Variants in CCND1 observed in about 807,000 individuals in gnomAD.
CCND1 encodes G1/S-specific cyclin-D1.
A neutral mutation model predicts 26.1 loss-of-function variants in CCND1; 9 were observed. The observed-to-expected ratio is 0.35, with a 90% CI of 0.21 to 0.60. The LOEUF (loss-of-function observed/expected upper bound fraction) is 0.60, where lower values mean the gene tolerates loss of function less well. CCND1 is among the 20% of genes least tolerant of loss of function. The probability of loss-of-function intolerance (pLI) is 0.79; values close to 1 mark genes in which losing one functional copy is unlikely to be tolerated. For missense variants in CCND1, 335 were observed against 392.9 expected (o/e 0.85, Z 1.25); for synonymous variants, 194 against 166.1 (o/e 1.17, Z -1.29).
chr11:69,651,322 G>A lies in CCND1; in HGVS notation c.*40G>A, dbSNP rs777708554. On this transcript the variant is annotated 3_prime_UTR_variant, in exon 5 of 5. Coordinates refer to ENST00000227507, the MANE Select transcript of CCND1 (RefSeq NM_053056.3). The stretch of plus-strand genomic sequence containing the variant: ...CGGGCGCCACCGCCACCCGCAGCGA[G>A]GGCGGAGCCGGCCCCAGGTGCTCCC... The A allele has an allele frequency of 2.1e-6, 3 of 1,416,266 alleles. No homozygotes were observed. Among genetic ancestry groups the A allele is most frequent in the South Asian group, 3.0e-5 (2 of 66,176 alleles). The allele number at this position is 1,416,266 out of a possible 1,614,324, so 87.7% of individuals were successfully genotyped here.
intron 3 of CCND1, among the ~76,000 whole-genome samples, chr11:69,646,390 C>A (rs1203486404): frequency 6.6e-6 from 1 of 152,138 alleles, no homozygotes; most frequent in Non-Finnish European, 1.5e-5. Flanking sequence ...GGCCCCTCGC[C>A]GGCGGCCCTC....
Position 69,651,320 on chromosome 11 carries a change from G to A in CCND1, c.*38G>A, listed in dbSNP as rs539869079. ...GGCGGGCGCCACCGCCACCCGCAGC[G>A]AGGGCGGAGCCGGCCCCAGGTGCTC... is the stretch of plus-strand genomic sequence containing the variant. On this transcript the variant is annotated 3_prime_UTR_variant, in exon 5 of 5. Transcript: ENST00000227507. 38 of 1,428,698 alleles carry A rather than the reference G, an allele frequency of 2.7e-5. No individual in the cohort carries two copies. The East Asian group carries it at 7.9e-4, about 30-fold the overall frequency. The allele number at this position is 1,428,698 out of a possible 1,614,324, so 88.5% of individuals were successfully genotyped here.
intron 1 of CCND1, among the ~76,000 whole-genome samples, chr11:69,641,942 G>C (rs1855708701): frequency 6.6e-6 from 1 of 152,132 alleles, no homozygotes. Context: ...ACGTATGCAA[G>C]GGCCGCTCGT....
In CCND1 at chr11:69,651,297, C is replaced by T. The variant is rs2120121573; in HGVS notation, c.*15C>T. On this transcript the variant is annotated 3_prime_UTR_variant, in exon 5 of 5. Coordinates refer to ENST00000227507, the MANE Select transcript of CCND1 (RefSeq NM_053056.3). ...TGGACATCTGAGGGCGCCAGGCAGG[C>T]GGGCGCCACCGCCACCCGCAGCGAG... The T allele has an allele frequency of 5.5e-6, 8 of 1,455,296 alleles. No homozygotes were observed. Among genetic ancestry groups the T allele is most frequent in the Non-Finnish European group, 5.5e-6 (6 of 1,099,686 alleles). The allele number at this position is 1,455,296 out of a possible 1,614,324, so 90.1% of individuals were successfully genotyped here.
chr11:69,641,951 G>T (rs1855708877), intron 1 of CCND1, among the ~76,000 whole-genome samples: 1 of 151,900 alleles, frequency 6.6e-6, no homozygotes, highest in Admixed American at 6.5e-5. Flanking sequence ...AGGGCCGCTC[G>T]TGCCAGTATT....
In CCND1 at chr11:69,641,802, C is replaced by A. The variant is rs1400299045; in HGVS notation, c.198+291C>A. Among the ~76,000 whole-genome samples the A allele has an allele frequency of 5.9e-5, 9 of 151,916 alleles. No homozygotes were observed. In the East Asian group the frequency reaches 1.7e-3, roughly 30 times the overall value. ...GGGCACCCCAATGGGCCCGAGGGTGCGGGCTGGCAGGCTGGGTGCGCTTTG... is the reference window on the plus strand; with the variant it reads ...GGGCACCCCAATGGGCCCGAGGGTGAGGGCTGGCAGGCTGGGTGCGCTTTG... On this transcript the variant is annotated intron_variant, in intron 1 of 4. Transcript: ENST00000227507.
At chr11:69,643,487 C>G (rs1855737998) in intron 2 of CCND1, among the ~76,000 whole-genome samples, 1 of 152,230 alleles carries the variant, frequency 6.6e-6, no homozygotes, top group Non-Finnish European at 1.5e-5. Context: ...GCGGTGTGGC[C>G]GAAAAGTGGG....
chr11:69,649,467 T>TA (rs1192181641), intron 4 of CCND1, among the ~76,000 whole-genome samples: 1 of 152,200 alleles, frequency 6.6e-6, no homozygotes, highest in Admixed American at 6.5e-5. Context: ...CCTGATCAGC[T>TA]AGTGACCAAC....
rs1282637304 is a variant in CCND1 at position 69,648,001 on chromosome 11, G to T, written c.582G>T (p.Lys194Asn). 1 of 1,613,770 alleles carries T rather than the reference G, an allele frequency of 6.2e-7. No homozygotes were observed. The highest frequency in any genetic ancestry group is 8.5e-7 in the Non-Finnish European group (1 of 1,180,016). The change falls in exon 4 of 5, where the codon AAG (lysine) becomes AAT (asparagine). Residue 194 changes from lysine to asparagine, a missense_variant. Lys to Asn is a moderately conservative substitution (Grantham distance 94). Coordinates refer to ENST00000227507, the MANE Select transcript of CCND1 (RefSeq NM_053056.3). The stretch of plus-strand genomic sequence containing the variant: ...TCTCTCCTTCTGCCTCAGATGTGAA[G>T]TTCATTTCCAATCCGCCCTCCATGG... ...TFVALCATDV[K>N]FISNPPSMVA...
chr11:69,654,092 G>A lies in CCND1; in HGVS notation c.*2810G>A, dbSNP rs1209710625. ...CCCTGCCCTGGCAGGGTCATCCTGTGCTCGGAGGCCATCTCGGGCACAGGC... is the reference window on the plus strand; with the variant it reads ...CCCTGCCCTGGCAGGGTCATCCTGTACTCGGAGGCCATCTCGGGCACAGGC... On this transcript the variant is annotated 3_prime_UTR_variant, in exon 5 of 5. Transcript: ENST00000227507. This position sits in a 1 kb window ranked among gnomAD's most constrained non-coding sequence, Gnocchi z 6.3. 3.1e-6 allele frequency: 2 copies of A among 647,938 alleles called. No homozygotes were observed. Among genetic ancestry groups the A allele is most frequent in the East Asian group, 5.4e-5 (2 of 36,848 alleles). The allele number at this position is 647,938 out of a possible 1,614,324, so 40.1% of individuals were successfully genotyped here.
At chr11:69,644,781 C>T (rs1036544509) in intron 3 of CCND1, among the ~76,000 whole-genome samples, 2 of 152,228 alleles carry the variant, frequency 1.3e-5, no homozygotes, top group African/African-American at 4.8e-5. Flanking sequence ...TGACCGCCTC[C>T]TTCCCTGGCC....
In CCND1 at chr11:69,654,116, G is replaced by GGCCCCCCCCCC; in HGVS notation, c.*2834_*2835insGCCCCCCCCCC. The GGCCCCCCCCCC allele has an allele frequency of 4.6e-6, 3 of 651,520 alleles. No individual in the cohort carries two copies. The highest frequency in any genetic ancestry group is 2.8e-6 in the Non-Finnish European group (1 of 356,856). The allele number at this position is 651,520 out of a possible 1,614,324, so 40.4% of individuals were successfully genotyped here. Reference sequence around the variant, plus strand: ...TGCTCGGAGGCCATCTCGGGCACAGGCCCACCCCGCCCCACCCCTCCAGAA... The same window carrying GGCCCCCCCCCC: ...TGCTCGGAGGCCATCTCGGGCACAGGGCCCCCCCCCCCCCACCCCGCCCCACCCCTCCAGAA... On this transcript the variant is annotated 3_prime_UTR_variant, in exon 5 of 5. Transcript: ENST00000227507. The surrounding 1 kb of genome is among the most constrained non-coding windows in gnomAD (Gnocchi z 6.3).
At position 69,651,516 on chromosome 11, in the gene CCND1, T is replaced by G; in HGVS notation, c.*234T>G. ...AAAAGAGAGAGAGAGAAAAAAAAAA[T>G]AGTATTTGCATAACCCTGAGCGGTG... On this transcript the variant is annotated 3_prime_UTR_variant, in exon 5 of 5. Transcript: ENST00000227507. 4.8e-6 allele frequency: 2 copies of G among 413,188 alleles called. No homozygotes were observed. Among genetic ancestry groups the G allele is most frequent in the Non-Finnish European group, 8.5e-6 (2 of 235,910 alleles). The allele number at this position is 413,188 out of a possible 1,614,324, so 25.6% of individuals were successfully genotyped here. A position where few individuals can be genotyped will look rare whatever the true frequency, so the allele number is the denominator to read the frequency against.
Position 69,643,864 on chromosome 11 carries a change from G to A in CCND1, c.447G>A (p.Lys149=), listed in dbSNP as rs2120093687. ...QMELLLVNKL[K]WNLAAMTPHD... ...AGCTGCTCCTGGTGAACAAGCTCAA[G>A]TGGAACCTGGCCGCAATGACCCCGC... is the stretch of plus-strand genomic sequence containing the variant. Residue 149 remains lysine (K), a synonymous_variant, in exon 3 of 5, where the codon AAG becomes AAA. Coordinates refer to ENST00000227507, the MANE Select transcript of CCND1 (RefSeq NM_053056.3). 1 of 1,612,864 alleles carries A rather than the reference G, an allele frequency of 6.2e-7. No homozygotes were observed. Among genetic ancestry groups the A allele is most frequent in the Non-Finnish European group, 8.5e-7 (1 of 1,179,402 alleles).
rs1401368840 is a variant in CCND1 at position 69,647,976 on chromosome 11, T to C, written c.575-18T>C. 7.4e-6 allele frequency: 12 copies of C among 1,613,284 alleles called. No individual in the cohort carries two copies. Among genetic ancestry groups the C allele is most frequent in the Non-Finnish European group, 1.0e-5 (12 of 1,179,878 alleles). Reference sequence around the variant, plus strand: ...GTCCCCTGCTCACAGCCTCCTTCCCTCTCTCCTTCTGCCTCAGATGTGAAG... The same window carrying C: ...GTCCCCTGCTCACAGCCTCCTTCCCCCTCTCCTTCTGCCTCAGATGTGAAG... On this transcript the variant is annotated intron_variant, in intron 3 of 4. Transcript: ENST00000227507.
rs1202307647 is a variant in CCND1 at position 69,643,846 on chromosome 11, C to A, written c.429C>A (p.Leu143=). The A allele has an allele frequency of 6.2e-7, 1 of 1,610,180 alleles. No individual in the cohort carries two copies. The highest frequency in any genetic ancestry group is 1.7e-5 in the Admixed American group (1 of 59,952). The change falls in exon 3 of 5, where the codon CTC becomes CTA. Residue 143 remains leucine, a synonymous_variant. Coordinates refer to ENST00000227507, the MANE Select transcript of CCND1 (RefSeq NM_053056.3). The part of the protein sequence containing the change: ...RPEELLQMEL[L]LVNKLKWNLA... Reference sequence around the variant, plus strand: ...TGTGTTCGCAGCAAATGGAGCTGCTCCTGGTGAACAAGCTCAAGTGGAACC... The same window carrying A: ...TGTGTTCGCAGCAAATGGAGCTGCTACTGGTGAACAAGCTCAAGTGGAACC...
Position 69,647,940 on chromosome 11 carries a change from G to C in CCND1, c.575-54G>C, listed in dbSNP as rs1037969165. 3 of 1,595,224 alleles carry C rather than the reference G, an allele frequency of 1.9e-6. No individual in the cohort carries two copies. The African/African-American group carries it at 4.0e-5, about 21-fold the overall frequency. ...ACACAGGGATGCCCGGATCACGGGG[G>C]CCCTGAGAGGGTCCCCTGCTCACAG... On this transcript the variant is annotated intron_variant, in intron 3 of 4. Transcript: ENST00000227507.
chr11:69,647,866 C>T (rs1444345527), intron 3 of CCND1, 128 bp from the exon 4 acceptor site: 6 of 1,034,910 alleles, frequency 5.8e-6, no homozygotes, highest in Non-Finnish European at 8.4e-6. Flanking sequence ...TGTGGAGCCT[C>T]AGATACCGAG....
intron 1 of CCND1, among the ~76,000 whole-genome samples, chr11:69,642,286 A>T (rs970623408): frequency 4.6e-5 from 7 of 152,030 alleles, no homozygotes; most frequent in African/African-American, 1.7e-4. Flanking sequence ...GGCTTGGAGG[A>T]CCTTCTCCGA....
Sources: gnomAD v4.1 joint callset for allele counts (sites outside exome capture counted in the v4.1 genomes callset) on GRCh38, gnomAD v4.1.1 for gene constraint, Gnocchi (gnomAD v3.1) non-coding constraint, MANE v1.5 for transcripts, NCBI Gene and HGNC (gene_info 2026-07-23, HGNC 2026-07-21) for gene names.